SLC38A12: variants seen among roughly 807,000 people sequenced by gnomAD.
SLC38A12 encodes solute carrier family 38 member 12, also known as putative sodium-coupled neutral amino acid transporter 12.
chr17:74,801,324 A>G, the SLC38A12 span, among the ~76,000 whole-genome samples: 2 of 152,360 alleles, frequency 1.3e-5, no homozygotes, highest in Non-Finnish European at 2.9e-5. Flanking sequence ...CCGCAGGTGC[A>G]CTGCGTGCAG....
the SLC38A12 span, chr17:74,839,074 T>A: frequency 6.5e-7 from 1 of 1,535,350 alleles, no homozygotes; most frequent in Non-Finnish European, 8.7e-7. Context: ...TTTGCCTCCC[T>A]CCCCACAGAA....
the SLC38A12 span, among the ~76,000 whole-genome samples, chr17:74,787,472 A>G: frequency 1.3e-5 from 2 of 151,450 alleles, no homozygotes; most frequent in African/African-American, 4.9e-5. Context: ...AATACAAAAA[A>G]TTAGCCGGGC....
At chr17:74,789,142 G>A in the SLC38A12 span, among the ~76,000 whole-genome samples, 2 of 152,198 alleles carry the variant, frequency 1.3e-5, no homozygotes, top group Non-Finnish European at 2.9e-5. Flanking sequence ...CAGGAACTGT[G>A]TTGTCACTTC....
the SLC38A12 span, among the ~76,000 whole-genome samples, chr17:74,783,721 C>CTT: frequency 6.7e-4 from 70 of 103,996 alleles, 1 homozygote; most frequent in African/African-American, 1.1e-3. Context: ...CATGCTTTTT[C>CTT]TTTTTTTTTT....
At chr17:74,779,437 G>C in the SLC38A12 span, among the ~76,000 whole-genome samples, 1 of 152,054 alleles carries the variant, frequency 6.6e-6, no homozygotes, top group South Asian at 2.1e-4. Flanking sequence ...ATGTAGGGAG[G>C]AGATGGGGTG....
the SLC38A12 span, among the ~76,000 whole-genome samples, chr17:74,802,860 T>C: frequency 6.6e-6 from 1 of 152,222 alleles, no homozygotes; most frequent in African/African-American, 2.4e-5. Context: ...AAAGACTTCC[T>C]ACCCGCAGCA....
At chr17:74,803,153 C>T in the SLC38A12 span, among the ~76,000 whole-genome samples, 4 of 152,344 alleles carry the variant, frequency 2.6e-5, no homozygotes, top group East Asian at 7.7e-4. Flanking sequence ...CTTAAGTACT[C>T]AGTTTCCCTA....
At chr17:74,790,853 T>A in the SLC38A12 span, 1 of 993,166 alleles carries the variant, frequency 1.0e-6, no homozygotes, top group African/African-American at 1.6e-5. Context: ...GTTTGGACAC[T>A]TGGGGATTTC....
chr17:74,810,961 G>A, the SLC38A12 span, among the ~76,000 whole-genome samples: 72 of 152,176 alleles, frequency 4.7e-4, no homozygotes, highest in Non-Finnish European at 7.8e-4. Context: ...GTGTTTGGTC[G>A]GGAAGAACTT....
the SLC38A12 span, among the ~76,000 whole-genome samples, chr17:74,824,455 C>CCA: frequency 5.3e-3 from 813 of 152,268 alleles, 14 homozygotes; most frequent in East Asian, 0.057. Context: ...GCTGCCCCTG[C>CCA]CCCGCCGCAG....
the SLC38A12 span, among the ~76,000 whole-genome samples, chr17:74,833,314 C>T: frequency 6.6e-6 from 1 of 152,208 alleles, no homozygotes; most frequent in Non-Finnish European, 1.5e-5. Context: ...TGTGCCCAGC[C>T]GCCATGGCTT....
At chr17:74,797,148 A>G in the SLC38A12 span, among the ~76,000 whole-genome samples, 1 of 152,202 alleles carries the variant, frequency 6.6e-6, no homozygotes, top group Non-Finnish European at 1.5e-5. Context: ...AGCGCTGGGA[A>G]TATTGGCTGC....
the SLC38A12 span, among the ~76,000 whole-genome samples, chr17:74,789,702 G>A: frequency 1.3e-4 from 20 of 151,552 alleles, 1 homozygote; most frequent in Admixed American, 1.1e-3. Flanking sequence ...AAAATTAGCC[G>A]GCCGTGGTGG....
At chr17:74,782,144 T>A in the SLC38A12 span, among the ~76,000 whole-genome samples, 1 of 152,206 alleles carries the variant, frequency 6.6e-6, no homozygotes, top group Non-Finnish European at 1.5e-5. Flanking sequence ...CTCGGCTCAC[T>A]GCAACCTCTG....
chr17:74,790,115 G>A, the SLC38A12 span: 1 of 1,124,202 alleles, frequency 8.9e-7, no homozygotes, highest in Non-Finnish European at 1.3e-6. Flanking sequence ...CACCACACCT[G>A]GCTAACATTC....
chr17:74,838,366 T>A, the SLC38A12 span: 1 of 996,580 alleles, frequency 1.0e-6, no homozygotes, highest in Admixed American at 5.5e-5. Flanking sequence ...AAGACCTGGC[T>A]GCCCCACTGT....
At chr17:74,795,626 C>A in the SLC38A12 span, 1 of 1,613,564 alleles carries the variant, frequency 6.2e-7, no homozygotes. Flanking sequence ...CCTACCGCAT[C>A]TACTTGGTGA....
the SLC38A12 span, among the ~76,000 whole-genome samples, chr17:74,805,510 C>A: frequency 1.3e-5 from 2 of 152,206 alleles, no homozygotes; most frequent in African/African-American, 4.8e-5. This position sits in a 1 kb window ranked among gnomAD's most constrained non-coding sequence, Gnocchi z 5.0. Context: ...TCACTCTGAC[C>A]CCCGACTAGG....
At chr17:74,786,934 G>A in the SLC38A12 span, among the ~76,000 whole-genome samples, 14 of 152,064 alleles carry the variant, frequency 9.2e-5, no homozygotes, top group Admixed American at 7.9e-4. Flanking sequence ...CCAGGCAGGG[G>A]GTACCACACC....
Sources: gnomAD v4.1 joint callset for allele counts (sites outside exome capture counted in the v4.1 genomes callset) on GRCh38, gnomAD v4.1.1 for gene constraint, Gnocchi (gnomAD v3.1) non-coding constraint, MANE v1.5 for transcripts, NCBI Gene and HGNC (gene_info 2026-07-23, HGNC 2026-07-21) for gene names.